Variants in LRPPRC observed in about 807,000 individuals in gnomAD.
The protein encoded by LRPPRC is leucine-rich PPR motif-containing protein, mitochondrial.
LRPPRC carries 120 observed loss-of-function variants against 180.3 expected under a neutral mutation model. The observed-to-expected ratio is 0.67, with a 90% confidence interval of 0.57 to 0.77. The LOEUF (loss-of-function observed/expected upper bound fraction) is 0.77. Among genes scored for constraint, LRPPRC ranks in the 30% least tolerant of loss-of-function variants. LRPPRC has a pLI of 0.00. For missense variants in LRPPRC, 2,012 were observed against 1,657.2 expected, an observed-to-expected ratio of 1.21 and a Z score of -3.72; for synonymous variants, 723 against 600.0, an observed-to-expected ratio of 1.21 and a Z score of -3.00.
rs767486186 is a variant in LRPPRC at position 43,899,222 on chromosome 2, T to C, written c.3822A>G (p.Leu1274=). 6.2e-7 allele frequency: 1 copy of C among 1,611,224 alleles called. No individual in the cohort carries two copies. The part of the protein sequence containing the change: ...AGKVDDARAL[L]QRCGAIAEQT... ...TCCATGAGTGGAGGGTCATTACCTG[T>C]AGGAGAGCTCTGGCATCATCCACCT... is the stretch of plus-strand genomic sequence containing the variant. The change falls in exon 34 of 38, where the codon CTA becomes CTG. Residue 1274 remains leucine (L), a synonymous_variant. Transcript: ENST00000260665.
chr2:43,987,908 T>G (rs755085906), intron 1 of LRPPRC, among the ~76,000 whole-genome samples: 1 of 152,116 alleles, frequency 6.6e-6, no homozygotes, highest in Non-Finnish European at 1.5e-5. Flanking sequence ...ATCTAATAAA[T>G]TAGACCTTTA....
chr2:43,901,231 CAT>C, intron 32 of LRPPRC, 87 bp downstream of exon 32: 2 of 880,680 alleles, frequency 2.3e-6, no homozygotes, highest in Non-Finnish European at 3.8e-6. Flanking sequence ...AAGGTTTCCA[CAT>C]GTCTAAAAAA....
chr2:43,957,805 G>A (rs149830819), intron 13 of LRPPRC, among the ~76,000 whole-genome samples: 3 of 152,092 alleles, frequency 2.0e-5, no homozygotes, highest in Non-Finnish European at 4.4e-5. Context: ...GAGAGAGACT[G>A]TAATACCCTA....
At chr2:43,911,523 C>CTTTTTTTTTTTTTTTTTTTT (rs531172761) in intron 30 of LRPPRC, among the ~76,000 whole-genome samples, 3 of 92,372 alleles carry the variant, frequency 3.2e-5, no homozygotes, top group Non-Finnish European at 6.0e-5. Context: ...TCTTCTTCTT[C>CTTTTTTTTTTTTTTTTTTTT]TTTTTTTTTT....
intron 21 of LRPPRC, 42 bp from the exon 22 acceptor site, chr2:43,945,459 T>A: frequency 8.8e-7 from 1 of 1,131,368 alleles, no homozygotes; most frequent in Non-Finnish European, 1.4e-6. Flanking sequence ...AAAAGTCAAT[T>A]AACTGCTAAA....
intron 37 of LRPPRC, among the ~76,000 whole-genome samples, chr2:43,888,874 G>A (rs1355840552): frequency 1.3e-5 from 2 of 151,436 alleles, no homozygotes; most frequent in East Asian, 1.9e-4. Flanking sequence ...GGTAGGGTGC[G>A]TGTGTGTATA....
intron 25 of LRPPRC, 116 bp downstream of exon 25, chr2:43,934,074 T>C: frequency 1.5e-6 from 1 of 683,292 alleles, no homozygotes; most frequent in Non-Finnish European, 2.7e-6. Context: ...ATTACTGGGA[T>C]TGAATTCTAT....
intron 32 of LRPPRC, among the ~76,000 whole-genome samples, chr2:43,901,098 C>T (rs1201467794): frequency 6.6e-6 from 1 of 152,070 alleles, no homozygotes; most frequent in Non-Finnish European, 1.5e-5. Context: ...AACTGTGGAG[C>T]AAGATTTATG....
chr2:43,995,489 G>A (rs1385586500), intron 1 of LRPPRC, among the ~76,000 whole-genome samples: 1 of 152,220 alleles, frequency 6.6e-6, no homozygotes, highest in African/African-American at 2.4e-5. Flanking sequence ...ACTTCCCAAA[G>A]CAGTCTTCAA....
At chr2:43,985,580 A>T (rs1007016450) in intron 1 of LRPPRC, among the ~76,000 whole-genome samples, 2 of 152,196 alleles carry the variant, frequency 1.3e-5, no homozygotes, top group African/African-American at 4.8e-5. Context: ...GTTGCATCAT[A>T]CAGCATGCTG....
chr2:43,943,943 A>G, intron 22 of LRPPRC, 49 bp from the exon 23 acceptor site: 1 of 1,322,530 alleles, frequency 7.6e-7, no homozygotes, highest in Non-Finnish European at 1.1e-6. Flanking sequence ...ATGTAGGGAA[A>G]ACAAACTGCT....
At chr2:43,945,261 A>G (rs1672635872) in intron 22 of LRPPRC, 71 bp downstream of exon 22, 10 of 1,017,556 alleles carry the variant, frequency 9.8e-6, no homozygotes, top group South Asian at 2.5e-5. Context: ...ATATCCATTA[A>G]TATCAATTCA....
At chr2:43,920,163 T>C (rs1200922617) in intron 27 of LRPPRC, among the ~76,000 whole-genome samples, 1 of 149,258 alleles carries the variant, frequency 6.7e-6, no homozygotes, top group Non-Finnish European at 1.5e-5. Context: ...TGAGATGGAG[T>C]CTTGCTCTGT....
At chr2:43,973,092 C>G (rs1673889718) in intron 11 of LRPPRC, among the ~76,000 whole-genome samples, 1 of 152,166 alleles carries the variant, frequency 6.6e-6, no homozygotes, top group African/African-American at 2.4e-5. Context: ...AAAGATTGAA[C>G]ATTTTTGTCC....
chr2:43,958,798 T>G (rs1396263242), intron 13 of LRPPRC, among the ~76,000 whole-genome samples: 1 of 152,218 alleles, frequency 6.6e-6, no homozygotes, highest in African/African-American at 2.4e-5. Flanking sequence ...AAGAGCTGCC[T>G]GAAGCACGTA....
rs767982654 is a variant in LRPPRC at position 43,889,734 on chromosome 2, A to AG, written c.4127dup (p.Glu1377Ter). 3 of 1,610,596 alleles carry AG rather than the reference A, an allele frequency of 1.9e-6. No individual in the cohort carries two copies. The highest frequency in any genetic ancestry group is 1.1e-5 in the South Asian group (1 of 90,984). On this transcript the variant is annotated frameshift_variant and splice_region_variant, in exon 37 of 38. Coordinates refer to ENST00000260665, the MANE Select transcript of LRPPRC (RefSeq NM_133259.4). LOFTEE classifies it high-confidence loss of function. ...TTCCCCTTAATTAAGAAATACTCAC[A>AG]GGGGGTTCAATGAAAGGGACAGGCT...
intron 5 of LRPPRC, 102 bp downstream of exon 5, chr2:43,976,892 T>C: frequency 1.1e-6 from 1 of 899,418 alleles, no homozygotes. Flanking sequence ...TCTGAAACAA[T>C]TTCCTCCATT....
chr2:43,890,385 G>A, intron 36 of LRPPRC: 1 of 469,318 alleles, frequency 2.1e-6, no homozygotes, highest in Non-Finnish European at 4.4e-6. Context: ...AAACAAATAT[G>A]GAAAGTATAG....
chr2:43,943,228 A>G (rs1672550253), intron 23 of LRPPRC, among the ~76,000 whole-genome samples: 1 of 152,080 alleles, frequency 6.6e-6, no homozygotes, highest in Non-Finnish European at 1.5e-5. Context: ...CCTATCAGTA[A>G]AATTCATCTC....
Sources: gnomAD v4.1 joint callset for allele counts (sites outside exome capture counted in the v4.1 genomes callset) on GRCh38, gnomAD v4.1.1 for gene constraint, MANE v1.5 for transcripts, NCBI Gene and HGNC (gene_info 2026-07-23, HGNC 2026-07-21) for gene names.